The following PLEKHA7 variants were observed in gnomAD, a reference collection of about 807,000 sequenced individuals.
PLEKHA7 encodes pleckstrin homology domain-containing family A member 7.
In PLEKHA7, 104 loss-of-function variants were observed where a neutral mutation model predicts 170.0. The observed-to-expected ratio is 0.61, with a 90% CI of 0.52 to 0.72. The LOEUF (loss-of-function observed/expected upper bound fraction) is 0.72, where lower values mean the gene tolerates loss of function less well. Ranked by LOEUF, PLEKHA7 falls within the 30% of genes least tolerant of loss-of-function variation. The pLI is 0.00. For synonymous variants in PLEKHA7, 648 were observed against 660.8 expected (o/e 0.98, Z 0.30); for missense variants, 1,615 against 1,671.7 (o/e 0.97, Z 0.59).
rs1848821693 is a variant in PLEKHA7 at position 16,778,908 on chromosome 11, G to A, written c.*90C>T. The stretch of plus-strand genomic sequence containing the variant: ...TCCGGCCGGATTCCCTGCTCAGCTG[G>A]AAGGGGTTTCCTTGGGGGCAGAAAG... On this transcript the variant is annotated 3_prime_UTR_variant, in exon 27 of 27. Transcript: ENST00000531066. The A allele has an allele frequency of 1.4e-6, 1 of 701,760 alleles. No individual in the cohort carries two copies. The highest frequency in any genetic ancestry group is 2.6e-6 in the Non-Finnish European group (1 of 384,434). The allele number at this position is 701,760 out of a possible 1,614,324, so 43.5% of individuals were successfully genotyped here.
At chr11:16,874,930 T>TCC (rs770697327) in intron 3 of PLEKHA7, among the ~76,000 whole-genome samples, 4 of 152,164 alleles carry the variant, frequency 2.6e-5, no homozygotes, top group Non-Finnish European at 4.4e-5. Flanking sequence ...ACTCCTGGGC[T>TCC]CCCCGTCCCA....
chr11:16,783,425 A>G (rs1237942468), intron 25 of PLEKHA7, among the ~76,000 whole-genome samples: 4 of 152,194 alleles, frequency 2.6e-5, no homozygotes, highest in Admixed American at 6.5e-5. Context: ...TCCATTCTCC[A>G]CACTTGCTAG....
At chr11:16,906,283 GAAA>G (rs2136095770) in intron 3 of PLEKHA7, among the ~76,000 whole-genome samples, 1 of 113,896 alleles carries the variant, frequency 8.8e-6, no homozygotes, top group African/African-American at 3.7e-5. Flanking sequence ...AGGAAGGAAA[GAAA>G]GAAAATTGGA....
At chr11:16,980,824 T>C (rs1590776509) in intron 3 of PLEKHA7, among the ~76,000 whole-genome samples, 1 of 151,908 alleles carries the variant, frequency 6.6e-6, no homozygotes, top group African/African-American at 2.4e-5. Context: ...GAGGCGGAGG[T>C]TGCAGTGAGC....
chr11:16,917,166 C>A (rs932657953), intron 3 of PLEKHA7, among the ~76,000 whole-genome samples: 2 of 152,068 alleles, frequency 1.3e-5, no homozygotes, highest in South Asian at 2.1e-4. Flanking sequence ...TTGCAGTGAG[C>A]CAAATTCACG....
chr11:16,978,330 C>T (rs1305082571), intron 3 of PLEKHA7, among the ~76,000 whole-genome samples: 4 of 152,204 alleles, frequency 2.6e-5, no homozygotes, highest in South Asian at 4.1e-4. Flanking sequence ...GAAGGAAACA[C>T]GGGAAACAAA....
intron 3 of PLEKHA7, among the ~76,000 whole-genome samples, chr11:17,009,933 A>G (rs1268067633): frequency 1.3e-5 from 2 of 152,162 alleles, no homozygotes. Context: ...CAGCCAAAAA[A>G]TCTTTTTAAA....
At chr11:16,860,930 A>G (rs1853894512) in intron 4 of PLEKHA7, among the ~76,000 whole-genome samples, 1 of 152,204 alleles carries the variant, frequency 6.6e-6, no homozygotes, top group Non-Finnish European at 1.5e-5. Context: ...ACCACCTCTC[A>G]TCTCACAAAG....
At chr11:16,960,153 T>C (rs1196313306) in intron 3 of PLEKHA7, among the ~76,000 whole-genome samples, 1 of 152,166 alleles carries the variant, frequency 6.6e-6, no homozygotes, top group Non-Finnish European at 1.5e-5. Flanking sequence ...CCACGTTCCT[T>C]TCAGGGGCCC....
At chr11:16,955,850 G>A (rs7924696) in intron 3 of PLEKHA7, among the ~76,000 whole-genome samples, 132,506 of 152,090 alleles carry the variant, frequency 0.87, 57,753 homozygotes, top group South Asian at 0.91. Context: ...AATGGTTAGA[G>A]ACCTGGTTAT....
intron 3 of PLEKHA7, among the ~76,000 whole-genome samples, chr11:16,922,903 T>C (rs908823493): frequency 1.1e-4 from 17 of 152,168 alleles, no homozygotes; most frequent in Non-Finnish European, 8.8e-5. Flanking sequence ...CCTCCACTGA[T>C]GTTGGACTCA....
At chr11:16,847,102 T>C (rs1273068248) in intron 8 of PLEKHA7, among the ~76,000 whole-genome samples, 2 of 139,074 alleles carry the variant, frequency 1.4e-5, no homozygotes, top group Admixed American at 7.2e-5. Context: ...TTTTTTTTTT[T>C]TTTTTTTTTT....
At chr11:16,956,067 G>T (rs1861681923) in intron 3 of PLEKHA7, among the ~76,000 whole-genome samples, 1 of 152,188 alleles carries the variant, frequency 6.6e-6, no homozygotes, top group Admixed American at 6.5e-5. Context: ...AGCCTAGTTT[G>T]TGGAAATATG....
chr11:16,964,270 A>G (rs1862238066), intron 3 of PLEKHA7, among the ~76,000 whole-genome samples: 1 of 152,216 alleles, frequency 6.6e-6, no homozygotes, highest in Admixed American at 6.5e-5. Context: ...TAATGCTGCA[A>G]TGCACCTAAG....
chr11:16,847,090 C>CTTTTTTTTTTTTTTTTTTTTTT (rs59132787), intron 8 of PLEKHA7, among the ~76,000 whole-genome samples: 7 of 70,810 alleles, frequency 9.9e-5, no homozygotes, highest in Non-Finnish European at 1.3e-4. Flanking sequence ...TTTTTTTTTT[C>CTTTTTTTTTTTTTTTTTTTTTT]TTTTTTTTTT....
At chr11:16,851,796 C>G (rs1413290500) in intron 7 of PLEKHA7, among the ~76,000 whole-genome samples, 1 of 152,196 alleles carries the variant, frequency 6.6e-6, no homozygotes, top group East Asian at 1.9e-4. Flanking sequence ...TTCTAAGAAG[C>G]CTCCTCAGAT....
intron 3 of PLEKHA7, among the ~76,000 whole-genome samples, chr11:16,995,254 A>G (rs1864271393): frequency 6.6e-6 from 1 of 152,170 alleles, no homozygotes. Flanking sequence ...GCTCCTGAGC[A>G]CTGGGCCACT....
intron 3 of PLEKHA7, chr11:16,881,450 T>A (rs1855706541): frequency 6.6e-6 from 1 of 152,236 alleles, no homozygotes; most frequent in Non-Finnish European, 1.5e-5. Flanking sequence ...AGCAGCCACT[T>A]GTTCCTGCTC....
intron 4 of PLEKHA7, among the ~76,000 whole-genome samples, chr11:16,862,013 CAG>C (rs1177652881): frequency 2.0e-5 from 3 of 152,188 alleles, no homozygotes; most frequent in Non-Finnish European, 4.4e-5. Context: ...CCCCTCTTCT[CAG>C]AGAAAGAGAC....
Sources: allele counts gnomAD v4.1 joint callset (sites outside exome capture counted in the v4.1 genomes callset), GRCh38; gene constraint gnomAD v4.1.1; transcripts MANE v1.5; gene names NCBI Gene and HGNC (gene_info 2026-07-23, HGNC 2026-07-21).